Variants in GABRA2 observed in about 807,000 individuals in gnomAD.
GABRA2 encodes the protein gamma-aminobutyric acid receptor subunit alpha-2.
Under a neutral mutation model 48.7 loss-of-function variants are expected in GABRA2, and 16 were observed. The observed-to-expected ratio is 0.33, with a 90% CI of 0.22 to 0.50. GABRA2 has a LOEUF of 0.50. GABRA2 is among the 20% of genes least tolerant of loss of function. GABRA2 has a pLI of 0.98. For missense variants in GABRA2, 275 were observed against 535.6 expected (o/e 0.51, Z 4.80); for synonymous variants, 185 against 184.5 (o/e 1.00, Z -0.02).
intron 6 of GABRA2, 68 bp downstream of exon 6, chr4:46,310,105 T>C (rs929115030): frequency 1.7e-5 from 18 of 1,076,190 alleles, no homozygotes; most frequent in Non-Finnish European, 2.4e-5. Flanking sequence ...AACTAGACAA[T>C]TGAGCAGTGC....
chr4:46,285,206 T>A (rs1339243589), intron 8 of GABRA2, among the ~76,000 whole-genome samples: 1 of 152,082 alleles, frequency 6.6e-6, no homozygotes, highest in Non-Finnish European at 1.5e-5. Context: ...AATATTTATT[T>A]ACACAAAATA....
intron 8 of GABRA2, among the ~76,000 whole-genome samples, chr4:46,293,344 C>T (rs1195909605): frequency 6.6e-6 from 1 of 152,144 alleles, no homozygotes; most frequent in Non-Finnish European, 1.5e-5. Flanking sequence ...TGCCATTAAT[C>T]TTTCTCCCAT....
intron 8 of GABRA2, among the ~76,000 whole-genome samples, chr4:46,302,268 C>T (rs1028934569): frequency 6.6e-6 from 1 of 151,924 alleles, no homozygotes; most frequent in African/African-American, 2.4e-5. Context: ...GCTATATTGC[C>T]CAGACTGGTC....
chr4:46,357,460 A>G (rs1331565563), intron 3 of GABRA2, among the ~76,000 whole-genome samples: 1 of 147,600 alleles, frequency 6.8e-6, no homozygotes, highest in Non-Finnish European at 1.5e-5. Flanking sequence ...CTCAATTTGA[A>G]TTTGAATTCT....
intron 9 of GABRA2, 59 bp from the exon 10 acceptor site, chr4:46,250,663 T>C (rs1360171176): frequency 1.6e-6 from 2 of 1,284,112 alleles, no homozygotes; most frequent in African/African-American, 3.0e-5. Flanking sequence ...TAACATTTTC[T>C]AAAGTCCACT....
At chr4:46,273,400 G>GTGTA (rs1255518101) in intron 8 of GABRA2, among the ~76,000 whole-genome samples, 15 of 145,148 alleles carry the variant, frequency 1.0e-4, no homozygotes, top group Non-Finnish European at 2.0e-4. Flanking sequence ...GTGTGTGTGT[G>GTGTA]TGTATGTGTA....
chr4:46,303,927 C>T (rs952231267), intron 7 of GABRA2, among the ~76,000 whole-genome samples: 15 of 152,140 alleles, frequency 9.9e-5, no homozygotes, highest in African/African-American at 3.6e-4. Flanking sequence ...TACATTATTA[C>T]AAATTGAGCA....
rs540349855 is a variant in GABRA2 at position 46,385,922 on chromosome 4, C to T, written c.187+152G>A. The T allele has an allele frequency of 4.9e-4, 290 of 588,432 alleles. No individual in the cohort carries two copies. The African/African-American group carries it at 5.0e-3, about 10-fold the overall frequency. The allele number at this position is 588,432 out of a possible 1,614,324, so 36.5% of individuals were successfully genotyped here. On this transcript the variant is annotated intron_variant, in intron 3 of 9. Transcript: ENST00000381620. ...ATGTATGTATAAAAGGAATCACAGA[C>T]AATATTTTTTCATATATCTTACTTT...
chr4:46,377,462 CCGCCCCG>C (rs1715953021), intron 3 of GABRA2, among the ~76,000 whole-genome samples: 1 of 133,182 alleles, frequency 7.5e-6, no homozygotes, highest in Admixed American at 9.0e-5. Context: ...TGCCTGGCAA[CCGCCCCG>C]TCTGAGAAGT....
intron 3 of GABRA2, among the ~76,000 whole-genome samples, chr4:46,357,154 T>C (rs902925509): frequency 1.3e-5 from 2 of 151,880 alleles, no homozygotes; most frequent in Non-Finnish European, 1.5e-5. Context: ...ATCAGGAATA[T>C]GTCTGTCTAT....
rs185807586 is a variant in GABRA2, at chr4:46,253,506, T to C, written c.1060-2902A>G. On this transcript the variant is annotated intron_variant, in intron 9 of 9. Transcript: ENST00000381620. ...AACTCGTTCCAAGTTATGTTTGCAA[T>C]TTTTATTGACAGCTATAAATAACAA... Among the ~76,000 whole-genome samples the C allele has an allele frequency of 3.6e-4, 54 of 151,690 alleles. No individual in the cohort carries two copies. In the Middle Eastern group the frequency reaches 0.014, roughly 38 times the overall value.
chr4:46,332,989 T>C (rs1020535440), intron 3 of GABRA2, among the ~76,000 whole-genome samples: 15 of 152,242 alleles, frequency 9.9e-5, no homozygotes, highest in African/African-American at 3.6e-4. Context: ...TTAAGTGAAA[T>C]AGTTTATAAT....
At chr4:46,367,785 A>G (rs1477285250) in intron 3 of GABRA2, 4 of 152,176 alleles carry the variant, frequency 2.6e-5, no homozygotes, top group Non-Finnish European at 4.4e-5. Flanking sequence ...ATCAGTCACT[A>G]TGGAAGATGA....
At position 46,384,188 on chromosome 4, in the gene GABRA2, C is replaced by A. The variant is rs550517445; in HGVS notation, c.187+1886G>T. On this transcript the variant is annotated intron_variant, in intron 3 of 9. Coordinates refer to ENST00000381620, the MANE Select transcript of GABRA2 (RefSeq NM_000807.4). ...GGAATATGTTCCTTCCACTATCCCT[C>A]GCCACCATCTACCAAAGGAAATGGG... Among the ~76,000 whole-genome samples the A allele has an allele frequency of 1.4e-4, 21 of 152,218 alleles. No individual in the cohort carries two copies. The East Asian group carries it at 2.9e-3, about 21-fold the overall frequency.
intron 7 of GABRA2, among the ~76,000 whole-genome samples, chr4:46,304,667 C>T (rs1249221406): frequency 6.6e-6 from 1 of 151,850 alleles, no homozygotes; most frequent in Admixed American, 6.6e-5. Flanking sequence ...CACTGGCTCA[C>T]GTCTGTAATC....
At chr4:46,363,976 A>C (rs1713634268) in intron 3 of GABRA2, 1 of 152,194 alleles carries the variant, frequency 6.6e-6, no homozygotes, top group Admixed American at 6.5e-5. Context: ...CATAAAAATA[A>C]AATTGCTTTT....
Position 46,243,850 on chromosome 4 carries a change from A to G in GABRA2, c.*6458T>C, listed in dbSNP as rs1045563597. 3 of 151,576 alleles carry G rather than the reference A, an allele frequency of 2.0e-5. No homozygotes were observed. The highest frequency in any genetic ancestry group is 7.2e-5 in the African/African-American group (3 of 41,402). The allele number at this position is 151,576 out of a possible 1,614,324, so 9.4% of individuals were successfully genotyped here. On this transcript the variant is annotated 3_prime_UTR_variant, in exon 10 of 10. Coordinates refer to ENST00000381620, the MANE Select transcript of GABRA2 (RefSeq NM_000807.4). ...CATTCTCTCTGCATGTGATCGTATT[A>G]TTAATTTGTAGCAAAGGAAAAATAC...
chr4:46,329,659 A>G (rs1232991189), intron 4 of GABRA2, among the ~76,000 whole-genome samples: 2 of 152,094 alleles, frequency 1.3e-5, no homozygotes, highest in South Asian at 2.1e-4. Flanking sequence ...TATCACTTGA[A>G]ATCTTCTTTT....
At chr4:46,277,538 C>A (rs1300301037) in intron 8 of GABRA2, among the ~76,000 whole-genome samples, 1 of 152,114 alleles carries the variant, frequency 6.6e-6, no homozygotes, top group Non-Finnish European at 1.5e-5. Flanking sequence ...CAATTAAAAC[C>A]GTCTATATCT....
Sources: allele counts gnomAD v4.1 joint callset (sites outside exome capture counted in the v4.1 genomes callset), GRCh38; gene constraint gnomAD v4.1.1; transcripts MANE v1.5; gene names NCBI Gene and HGNC (gene_info 2026-07-23, HGNC 2026-07-21).